The following CLCA2 variants were observed in gnomAD, a reference collection of about 807,000 sequenced individuals.
CLCA2 encodes calcium-activated chloride channel regulator 2.
In CLCA2, 85 loss-of-function variants were observed where a neutral mutation model predicts 82.9. The observed-to-expected ratio is 1.03, with a 90% CI of 0.86 to 1.23. The LOEUF (loss-of-function observed/expected upper bound fraction) is 1.23, where lower values mean the gene tolerates loss of function less well. Among genes scored for constraint, CLCA2 ranks in the 50% most tolerant of loss-of-function variants. The pLI, the probability that CLCA2 is intolerant of heterozygous loss-of-function variation, is 0.00. For missense variants in CLCA2, 1,089 were observed against 1,124.8 expected (o/e 0.97, Z 0.45); for synonymous variants, 421 against 391.7 (o/e 1.07, Z -0.88).
chr1:86,424,461 A>C (rs1446280005), intron 1 of CLCA2, 28 bp downstream of exon 1: 1 of 1,583,034 alleles, frequency 6.3e-7, no homozygotes, highest in African/African-American at 1.3e-5. Context: ...AATTGATACT[A>C]GCATCCCATT....
chr1:86,427,635 A>AT (rs1291015254), intron 2 of CLCA2, among the ~76,000 whole-genome samples: 1 of 152,004 alleles, frequency 6.6e-6, no homozygotes, highest in African/African-American at 2.4e-5. Context: ...TATTAGATCT[A>AT]TTTTTCTAAA....
chr1:86,440,127 T>A (rs1424540113), intron 7 of CLCA2, 21 bp from the exon 8 acceptor site: 14 of 1,608,648 alleles, frequency 8.7e-6, no homozygotes, highest in Non-Finnish European at 1.1e-5. Context: ...TCCTTCCAAG[T>A]GACTAATTCT....
intron 3 of CLCA2, 83 bp downstream of exon 3, chr1:86,428,651 C>A (rs751265039): frequency 1.1e-5 from 16 of 1,485,802 alleles, no homozygotes; most frequent in Admixed American, 2.0e-5. Context: ...GACTCACTCA[C>A]AAAACCTGAA....
chr1:86,430,083 T>C (rs1662463843), intron 3 of CLCA2, among the ~76,000 whole-genome samples: 1 of 149,316 alleles, frequency 6.7e-6, no homozygotes, highest in African/African-American at 2.4e-5. Context: ...ACTTCCTGAG[T>C]TCCCGGAACT....
At chr1:86,445,958 T>C (rs1300738241) in intron 10 of CLCA2, among the ~76,000 whole-genome samples, 5 of 151,952 alleles carry the variant, frequency 3.3e-5, no homozygotes, top group Admixed American at 6.6e-5. Context: ...TTTTAAAATA[T>C]GCAGAAAACC....
At chr1:86,449,034 C>T (rs1385820104) in intron 11 of CLCA2, among the ~76,000 whole-genome samples, 1 of 151,894 alleles carries the variant, frequency 6.6e-6, no homozygotes, top group Non-Finnish European at 1.5e-5. Context: ...AATGTATGCA[C>T]TAAAAAAAGG....
chr1:86,447,366 T>C lies in CLCA2; in HGVS notation c.1714-142T>C, dbSNP rs556033899. On this transcript the variant is annotated intron_variant, in intron 10 of 13. Transcript: ENST00000370565. ...TTCATCCCTTAACCAATGCTACTTT[T>C]CCTGGCATCTTTTTGTAGTATTTTA... is the stretch of plus-strand genomic sequence containing the variant. 11 of 800,270 alleles carry C rather than the reference T, an allele frequency of 1.4e-5. No individual in the cohort carries two copies. The Admixed American group carries it at 2.8e-4, about 20-fold the overall frequency. The allele number at this position is 800,270 out of a possible 1,614,324, so 49.6% of individuals were successfully genotyped here. A position where few individuals can be genotyped will look rare whatever the true frequency, so the allele number is the denominator to read the frequency against.
intron 12 of CLCA2, 46 bp from the exon 13 acceptor site, chr1:86,453,323 G>T (rs1202104306): frequency 6.1e-6 from 9 of 1,464,790 alleles, no homozygotes; most frequent in Non-Finnish European, 7.6e-6. Flanking sequence ...CTATTCAGAA[G>T]CTTTGTAATT....
At chr1:86,444,150 T>C in intron 10 of CLCA2, 139 bp downstream of exon 10, 1 of 618,266 alleles carries the variant, frequency 1.6e-6, no homozygotes, top group Non-Finnish European at 2.8e-6. Flanking sequence ...TATGAGGCCA[T>C]TTTGTGAATA....
At chr1:86,450,766 ATC>A (rs1490123746) in intron 12 of CLCA2, 33 bp downstream of exon 12, 1 of 1,546,220 alleles carries the variant, frequency 6.5e-7, no homozygotes, top group Non-Finnish European at 8.8e-7. Context: ...TTTGAGTAAC[ATC>A]ATTTCATGTA....
At chr1:86,442,329 A>G (rs369697574) in intron 9 of CLCA2, among the ~76,000 whole-genome samples, 2 of 152,360 alleles carry the variant, frequency 1.3e-5, no homozygotes, top group South Asian at 4.1e-4. Flanking sequence ...GGCTCTTCTG[A>G]TAATGCTCAA....
intron 3 of CLCA2, 114 bp downstream of exon 3, chr1:86,428,682 T>A: frequency 8.1e-7 from 1 of 1,237,848 alleles, no homozygotes; most frequent in African/African-American, 1.5e-5. Flanking sequence ...GACTTACCAC[T>A]CAAAGGGGGA....
At chr1:86,443,221 G>A (rs1379959637) in intron 9 of CLCA2, among the ~76,000 whole-genome samples, 1 of 152,026 alleles carries the variant, frequency 6.6e-6, no homozygotes, top group African/African-American at 2.4e-5. Flanking sequence ...TACAGAAAGG[G>A]TTTCACCATG....
At chr1:86,439,231 T>A in intron 7 of CLCA2, 125 bp downstream of exon 7, 2 of 766,402 alleles carry the variant, frequency 2.6e-6, no homozygotes, top group Non-Finnish European at 4.3e-6. Flanking sequence ...ACTATGAAAG[T>A]AATGATGGAT....
At chr1:86,449,264 A>C (rs1368956263) in intron 11 of CLCA2, among the ~76,000 whole-genome samples, 3 of 152,230 alleles carry the variant, frequency 2.0e-5, no homozygotes, top group Non-Finnish European at 4.4e-5. Context: ...ACAACCCTGC[A>C]AGATAAGTTA....
At chr1:86,438,789 A>C in intron 6 of CLCA2, 87 bp from the exon 7 acceptor site, 12 of 1,024,086 alleles carry the variant, frequency 1.2e-5, no homozygotes, top group Non-Finnish European at 1.6e-5. Context: ...AAGAATTAGC[A>C]GAGATGTTTG....
intron 9 of CLCA2, among the ~76,000 whole-genome samples, 160 bp downstream of exon 9, chr1:86,441,703 C>A (rs1662740242): frequency 6.6e-6 from 1 of 152,216 alleles, no homozygotes; most frequent in Non-Finnish European, 1.5e-5. Flanking sequence ...ATCACCAGAG[C>A]CAGGCTTTCA....
intron 7 of CLCA2, among the ~76,000 whole-genome samples, chr1:86,439,749 A>G (rs1662684564): frequency 6.6e-6 from 1 of 152,208 alleles, no homozygotes; most frequent in Non-Finnish European, 1.5e-5. Context: ...ATTCTGATTT[A>G]ATTGATCTGG....
At position 86,453,546 on chromosome 1, in the gene CLCA2, A is replaced by G; in HGVS notation, c.2333A>G (p.Glu778Gly). The G allele has an allele frequency of 6.2e-7, 1 of 1,614,162 alleles. No homozygotes were observed. The highest frequency in any genetic ancestry group is 8.5e-7 in the Non-Finnish European group (1 of 1,180,016). ...ATTGACCTGGAAGCTGTAAAAGTAG[A>G]AGAGGAATTGACCCTATCTTGGACA... Reference protein sequence around the residue: ...KIIDLEAVKVEEELTLSWTAP... With the variant: ...KIIDLEAVKVGEELTLSWTAP... Residue 778 changes from glutamate (E) to glycine (G), a missense_variant, in exon 13 of 14, where the codon GAA becomes GGA. Glu to Gly is a moderately conservative substitution (Grantham distance 98). Transcript: ENST00000370565.
Sources: gnomAD v4.1 joint callset for allele counts (sites outside exome capture counted in the v4.1 genomes callset) on GRCh38, gnomAD v4.1.1 for gene constraint, MANE v1.5 for transcripts, NCBI Gene and HGNC (gene_info 2026-07-23, HGNC 2026-07-21) for gene names.